The following ZRANB2 variants were observed in gnomAD, a reference collection of about 807,000 sequenced individuals.
ZRANB2 encodes the protein zinc finger Ran-binding domain-containing protein 2.
ZRANB2 carries 19 observed loss-of-function variants against 53.4 expected under a neutral mutation model. That is an observed-to-expected ratio of 0.36 (90% confidence interval 0.25 to 0.52). The LOEUF (loss-of-function observed/expected upper bound fraction) is 0.52. Ranked by LOEUF, ZRANB2 falls within the 20% of genes least tolerant of loss-of-function variation. The probability of loss-of-function intolerance (pLI) is 0.93; values close to 1 mark genes in which losing one functional copy is unlikely to be tolerated. For synonymous variants in ZRANB2, 145 were observed against 134.8 expected (o/e 1.08, Z -0.52); for missense variants, 309 against 401.1 (o/e 0.77, Z 1.96).
rs771405106 is a variant in ZRANB2 at position 71,072,367 on chromosome 1, G to A, written c.378+105C>T. The A allele has an allele frequency of 2.8e-6, 4 of 1,443,216 alleles. No homozygotes were observed. In the African/African-American group the frequency reaches 5.8e-5, roughly 21 times the overall value. The allele number at this position is 1,443,216 out of a possible 1,614,324, so 89.4% of individuals were successfully genotyped here. On this transcript the variant is annotated intron_variant, in intron 5 of 9. Coordinates refer to ENST00000370920, the MANE Select transcript of ZRANB2 (RefSeq NM_203350.3). ...GATTTCCTGAAAATGATCAGTTGCT[G>A]AAGACTCAAATTGCACTTAAAAAAA... is the stretch of plus-strand genomic sequence containing the variant.
intron 8 of ZRANB2, among the ~76,000 whole-genome samples, chr1:71,068,660 A>T (rs1393168070): frequency 1.3e-5 from 2 of 152,166 alleles, no homozygotes; most frequent in African/African-American, 4.8e-5. Context: ...TAAATGGCAA[A>T]TTTGTTTCTG....
At chr1:71,069,391 T>C (rs768053945) in intron 7 of ZRANB2, 29 bp from the exon 8 acceptor site, 49 of 1,572,106 alleles carry the variant, frequency 3.1e-5, no homozygotes, top group South Asian at 4.5e-5. Flanking sequence ...ATTTTTTTTT[T>C]CCAGGACCAT....
intron 1 of ZRANB2, 80 bp from the exon 2 acceptor site, chr1:71,078,788 G>A: frequency 2.5e-6 from 3 of 1,197,088 alleles, no homozygotes; most frequent in Non-Finnish European, 3.6e-6. Context: ...CTACATATCT[G>A]GAATTCATAA....
intron 5 of ZRANB2, 42 bp from the exon 6 acceptor site, chr1:71,072,297 C>CT: frequency 1.9e-6 from 3 of 1,543,906 alleles, no homozygotes; most frequent in Non-Finnish European, 2.6e-6. Context: ...GCTGATAATG[C>CT]ATTAAACTTA....
chr1:71,072,211 A>G lies in ZRANB2; in HGVS notation c.423T>C (p.Pro141=), dbSNP rs141938859. Residue 141 remains proline, a synonymous_variant, in exon 6 of 10, where the codon CCT becomes CCC. Transcript: ENST00000370920. The stretch of plus-strand genomic sequence containing the variant: ...CTTCAACTTCCTTTAATATAGATGC[A>G]GGACCAACTGCTTTCCCTCTGTATT... ...KKKYRGKAVG[P]ASILKEVEDK... is the part of the protein sequence containing the mutation. The G allele has an allele frequency of 6.8e-6, 11 of 1,611,952 alleles. No homozygotes were observed. The highest frequency in any genetic ancestry group is 9.3e-6 in the Non-Finnish European group (11 of 1,179,212).
chr1:71,067,349 C>T (rs1213231584), intron 8 of ZRANB2: 1 of 198,954 alleles, frequency 5.0e-6, no homozygotes, highest in Non-Finnish European at 1.0e-5. Flanking sequence ...GGAAAATAAA[C>T]ATAATTCCAT....
intron 9 of ZRANB2, chr1:71,065,853 CAGAATG>C: frequency 6.5e-7 from 1 of 1,526,840 alleles, no homozygotes; most frequent in Non-Finnish European, 8.9e-7. Context: ...AAGAAAGCAA[CAGAATG>C]AATTCCACTC....
chr1:71,063,961 A>G lies in ZRANB2; in HGVS notation c.*1113T>C, dbSNP rs530781911. 1.3e-5 allele frequency: 2 copies of G among 152,550 alleles called. No homozygotes were observed. Among genetic ancestry groups the G allele is most frequent in the South Asian group, 4.1e-4 (2 of 4,830 alleles). 9.4% of individuals were successfully genotyped at this position (152,550 alleles called of 1,614,324 possible). A position where few individuals can be genotyped will look rare whatever the true frequency, so the allele number is the denominator to read the frequency against. The stretch of plus-strand genomic sequence containing the variant: ...TGTCACTGGAAATACTGTTAAGAGA[A>G]ACCTTTTTATTTTTTAAACCAGAAA... On this transcript the variant is annotated 3_prime_UTR_variant, in exon 10 of 10. Coordinates refer to ENST00000370920, the MANE Select transcript of ZRANB2 (RefSeq NM_203350.3).
chr1:71,067,877 AT>A (rs142824635), intron 8 of ZRANB2, among the ~76,000 whole-genome samples: 528 of 138,054 alleles, frequency 3.8e-3, no homozygotes, highest in South Asian at 7.6e-3. Flanking sequence ...CTCTACTTCT[AT>A]TTTTTTTTTT....
At chr1:71,070,749 A>C in intron 7 of ZRANB2, 78 bp downstream of exon 7, 1 of 948,686 alleles carries the variant, frequency 1.1e-6, no homozygotes, top group South Asian at 2.9e-5. Flanking sequence ...TATTTCGTCA[A>C]GAAAAACAAA....
At chr1:71,071,046 C>T (rs749167454) in intron 6 of ZRANB2, 50 bp from the exon 7 acceptor site, 1 of 1,449,854 alleles carries the variant, frequency 6.9e-7, no homozygotes, top group African/African-American at 1.4e-5. Flanking sequence ...GTGTTACCTA[C>T]CAGGAAAGAT....
At position 71,065,058 on chromosome 1, in the gene ZRANB2, T is replaced by C. The variant is rs761589155; in HGVS notation, c.*16A>G. 6.3e-6 allele frequency: 10 copies of C among 1,587,044 alleles called. No homozygotes were observed. Among genetic ancestry groups the C allele is most frequent in the Non-Finnish European group, 8.6e-6 (10 of 1,159,540 alleles). On this transcript the variant is annotated 3_prime_UTR_variant, in exon 10 of 10. Coordinates refer to ENST00000370920, the MANE Select transcript of ZRANB2 (RefSeq NM_203350.3). ...TGCACTGTACTGGATTTTTTTAAGA[T>C]GTAAATTTTAATACATTATTTCTTT...
At chr1:71,066,719 C>A in intron 9 of ZRANB2, 57 bp downstream of exon 9, 1 of 1,535,102 alleles carries the variant, frequency 6.5e-7, no homozygotes, top group Non-Finnish European at 8.8e-7. Flanking sequence ...GGAAAGTTTA[C>A]TTTATCTATT....
At chr1:71,071,079 A>C in intron 6 of ZRANB2, 83 bp from the exon 7 acceptor site, 1 of 1,186,684 alleles carries the variant, frequency 8.4e-7, no homozygotes, top group Non-Finnish European at 1.1e-6. Flanking sequence ...TGTACTGAGC[A>C]CCTCCATATG....
intron 4 of ZRANB2, among the ~76,000 whole-genome samples, chr1:71,073,229 C>T (rs1661633189): frequency 6.6e-6 from 1 of 152,046 alleles, no homozygotes; most frequent in Non-Finnish European, 1.5e-5. Context: ...TGGCAGGTCT[C>T]TGACATAAGC....
Position 71,077,424 on chromosome 1 carries a change from A to G in ZRANB2, c.219-547T>C, listed in dbSNP as rs568553109. On this transcript the variant is annotated intron_variant, in intron 3 of 9. Transcript: ENST00000370920. ...TAAAGAGTATGGTTATACCCTATAA[A>G]TAATATTAATTTATTTTTTTGAGGT... Among the ~76,000 whole-genome samples the G allele has an allele frequency of 2.6e-5, 4 of 152,352 alleles. No homozygotes were observed. The South Asian group carries it at 8.3e-4, about 32-fold the overall frequency.
At chr1:71,080,656 G>A (rs986331563) in intron 1 of ZRANB2, among the ~76,000 whole-genome samples, 7 of 143,662 alleles carry the variant, frequency 4.9e-5, no homozygotes, top group African/African-American at 1.6e-4. Flanking sequence ...GGGCGGGGGA[G>A]GGGGGTGGGG....
At chr1:71,070,613 G>A (rs17090792) in intron 7 of ZRANB2, among the ~76,000 whole-genome samples, 1,920 of 152,166 alleles carry the variant, frequency 0.013, 46 homozygotes, top group African/African-American at 0.044. Context: ...GCTAAAATAG[G>A]TTAAGGAAGT....
intron 4 of ZRANB2, 30 bp downstream of exon 4, chr1:71,076,765 T>C: frequency 6.5e-7 from 1 of 1,526,962 alleles, no homozygotes; most frequent in South Asian, 1.2e-5. Context: ...TTAAAAAAAA[T>C]CATTTAGTTA....
Sources: allele counts gnomAD v4.1 joint callset (sites outside exome capture counted in the v4.1 genomes callset), GRCh38; gene constraint gnomAD v4.1.1; transcripts MANE v1.5; gene names NCBI Gene and HGNC (gene_info 2026-07-23, HGNC 2026-07-21).